The following SPEN variants were observed in gnomAD, a reference collection of about 807,000 sequenced individuals.
SPEN encodes the protein msx2-interacting protein.
SPEN carries 18 observed loss-of-function variants against 269.9 expected under a neutral mutation model. That is an observed-to-expected ratio of 0.07 (90% confidence interval 0.05 to 0.10). SPEN has a LOEUF of 0.10. SPEN is among the 10% of genes least tolerant of loss of function. The pLI, the probability that SPEN is intolerant of heterozygous loss-of-function variation, is 1.00. For missense variants in SPEN, 3,822 were observed against 4,631.2 expected, an observed-to-expected ratio of 0.83 and a Z score of 5.07; for synonymous variants, 1,726 against 1,765.7, an observed-to-expected ratio of 0.98 and a Z score of 0.56.
chr1:15,896,908 C>T (rs1439474059), intron 3 of SPEN, among the ~76,000 whole-genome samples: 1 of 152,102 alleles, frequency 6.6e-6, no homozygotes, highest in East Asian at 1.9e-4. Flanking sequence ...GTTGAGGCTG[C>T]AGTGAGCCAT....
rs987605187 is a variant in SPEN at position 15,934,622 on chromosome 1, C to T, written c.8382C>T (p.Asp2794=). 12 of 1,613,692 alleles carry T rather than the reference C, an allele frequency of 7.4e-6. No homozygotes were observed. Among genetic ancestry groups the T allele is most frequent in the Admixed American group, 1.7e-5 (1 of 60,004 alleles). ...ACCCAGGGTCCATGCCTGTGATCGA[C>T]GATCGTCCGGCAGACGCGGGCTCAG... is the stretch of plus-strand genomic sequence containing the variant. ...RFHPGSMPVI[D]DRPADAGSGA... is the part of the protein sequence containing the mutation. Residue 2794 remains aspartate, a synonymous_variant, in exon 11 of 15, where the codon GAC becomes GAT. Coordinates refer to ENST00000375759, the MANE Select transcript of SPEN (RefSeq NM_015001.3). This position sits in a 1 kb window ranked among gnomAD's most constrained non-coding sequence, Gnocchi z 9.2.
At chr1:15,926,099 T>A (rs2071163538) in intron 10 of SPEN, among the ~76,000 whole-genome samples, 1 of 152,134 alleles carries the variant, frequency 6.6e-6, no homozygotes, top group African/African-American at 2.4e-5. Context: ...AAGTTCAATA[T>A]AAGTACATAT....
At chr1:15,901,024 T>C (rs376711336) in intron 3 of SPEN, among the ~76,000 whole-genome samples, 2 of 152,126 alleles carry the variant, frequency 1.3e-5, no homozygotes, top group East Asian at 3.9e-4. Context: ...ACTCAGTTGA[T>C]TATTTCCTTG....
intron 1 of SPEN, among the ~76,000 whole-genome samples, chr1:15,864,893 G>C (rs1252564193): frequency 6.6e-6 from 1 of 151,686 alleles, no homozygotes; most frequent in East Asian, 1.9e-4. Context: ...GTGGGGAGGG[G>C]TCTTGCTTTG....
intron 3 of SPEN, among the ~76,000 whole-genome samples, chr1:15,891,352 A>ATT (rs34925405): frequency 2.0e-4 from 28 of 138,870 alleles, no homozygotes; most frequent in African/African-American, 2.4e-4. Flanking sequence ...ACTTAGCTAA[A>ATT]TTTTTTTTTT....
chr1:15,930,660 T>C lies in SPEN; in HGVS notation c.4420T>C (p.Phe1474Leu), dbSNP rs2071211847. The change falls in exon 11 of 15, where the codon TTT becomes CTT. Residue 1474 changes from phenylalanine to leucine, a missense_variant. Physicochemically the swap from Phe to Leu is conservative, Grantham distance 22. Around this residue, in one of 16 missense-constraint regions of SPEN, gnomAD observed 267 missense variants for 315.5 expected, o/e 0.85. Coordinates refer to ENST00000375759, the MANE Select transcript of SPEN (RefSeq NM_015001.3). This position sits in a 1 kb window ranked among gnomAD's most constrained non-coding sequence, Gnocchi z 5.3. ...FLDWDSRFAN[F>L]RNNKDKEKVD... is the part of the protein sequence containing the mutation. Reference sequence around the variant, plus strand: ...TGATTGGGACTCCCGATTTGCAAATTTTCGAAACAACAAAGATAAAGAAAA... The same window carrying C: ...TGATTGGGACTCCCGATTTGCAAATCTTCGAAACAACAAAGATAAAGAAAA... The C allele has an allele frequency of 6.2e-7, 1 of 1,613,934 alleles. No individual in the cohort carries two copies. Among genetic ancestry groups the C allele is most frequent in the African/African-American group, 1.3e-5 (1 of 74,884 alleles).
chr1:15,912,001 A>G (rs143283544), intron 5 of SPEN, among the ~76,000 whole-genome samples: 246 of 152,308 alleles, frequency 1.6e-3, no homozygotes, highest in South Asian at 0.01. Flanking sequence ...ATTACTTAAT[A>G]TTGATGTGGG....
intron 3 of SPEN, among the ~76,000 whole-genome samples, chr1:15,885,954 G>A (rs1397601466): frequency 6.6e-6 from 1 of 152,120 alleles, no homozygotes; most frequent in Non-Finnish European, 1.5e-5. Context: ...GTTTTAGGGG[G>A]TCATATTAGC....
intron 3 of SPEN, among the ~76,000 whole-genome samples, chr1:15,888,351 T>C (rs570617217): frequency 2.0e-5 from 3 of 151,576 alleles, no homozygotes; most frequent in African/African-American, 7.3e-5. Context: ...GAGGCAAGAG[T>C]CTTGCTCTGT....
At chr1:15,875,693 A>C (rs1291302902) in intron 2 of SPEN, among the ~76,000 whole-genome samples, 1 of 152,186 alleles carries the variant, frequency 6.6e-6, no homozygotes, top group Non-Finnish European at 1.5e-5. Flanking sequence ...AAACTTAGAA[A>C]ATTTTTTCTG....
At position 15,935,420 on chromosome 1, in the gene SPEN, A is replaced by G. The variant is rs777208894; in HGVS notation, c.9180A>G (p.Ala3060=). 4.3e-6 allele frequency: 7 copies of G among 1,614,084 alleles called. No individual in the cohort carries two copies. The highest frequency in any genetic ancestry group is 5.9e-6 in the Non-Finnish European group (7 of 1,180,002). The change falls in exon 11 of 15, where the codon GCA becomes GCG. Residue 3060 remains alanine (A), a synonymous_variant. Coordinates refer to ENST00000375759, the MANE Select transcript of SPEN (RefSeq NM_015001.3). This position sits in a 1 kb window ranked among gnomAD's most constrained non-coding sequence, Gnocchi z 7.7. ...LSTNATVMLA[A]GIPVPQFISS... ...CCAACGCCACAGTCATGCTGGCTGC[A>G]GGCATCCCAGTGCCCCAGTTCATCT...
chr1:15,897,093 T>C (rs1374332152), intron 3 of SPEN, among the ~76,000 whole-genome samples: 1 of 152,250 alleles, frequency 6.6e-6, no homozygotes, highest in East Asian at 1.9e-4. Flanking sequence ...ATCATTATCA[T>C]ATCAGCTCTT....
chr1:15,899,475 C>G (rs1436994342), intron 3 of SPEN, among the ~76,000 whole-genome samples: 1 of 149,388 alleles, frequency 6.7e-6, no homozygotes, highest in Non-Finnish European at 1.5e-5. Context: ...CCACTGCGCT[C>G]GGCAGTTTGT....
chr1:15,864,489 T>A (rs1431162137), intron 1 of SPEN, among the ~76,000 whole-genome samples: 153 of 150,608 alleles, frequency 1.0e-3, no homozygotes, highest in African/African-American at 2.8e-3. Flanking sequence ...TTTTTTTTTT[T>A]AATATTGTAA....
chr1:15,896,074 A>G (rs2070838866), intron 3 of SPEN, among the ~76,000 whole-genome samples: 1 of 151,892 alleles, frequency 6.6e-6, no homozygotes, highest in Admixed American at 6.6e-5. Context: ...AGGCACTTTT[A>G]TAAAATGCAG....
intron 1 of SPEN, among the ~76,000 whole-genome samples, chr1:15,850,623 C>G (rs1158298985): frequency 1.3e-5 from 2 of 152,114 alleles, no homozygotes; most frequent in African/African-American, 2.4e-5. Flanking sequence ...TCCTGCTGAT[C>G]CAGCTGTGGA....
chr1:15,908,225 ATTTG>A (rs2070978762), intron 3 of SPEN, among the ~76,000 whole-genome samples: 1 of 151,730 alleles, frequency 6.6e-6, no homozygotes, highest in African/African-American at 2.4e-5. Flanking sequence ...TTATTTATTT[ATTTG>A]TTTGTTTTGT....
chr1:15,933,317 C>T lies in SPEN; in HGVS notation c.7077C>T (p.Ser2359=), dbSNP rs767751045. Residue 2359 remains serine (S), a synonymous_variant, in exon 11 of 15, where the codon TCC becomes TCT. Transcript: ENST00000375759. This position sits in a 1 kb window ranked among gnomAD's most constrained non-coding sequence, Gnocchi z 5.7. Reference sequence around the variant, plus strand: ...CTGTAGAGAGCCATGTCCCTGAATCCAACCAAGCTCAAGGTGAGAGTCCTG... The same window carrying T: ...CTGTAGAGAGCCATGTCCCTGAATCTAACCAAGCTCAAGGTGAGAGTCCTG... ...VAPVESHVPE[S]NQAQGESPAA... The T allele has an allele frequency of 1.4e-5, 23 of 1,613,954 alleles. No individual in the cohort carries two copies. The highest frequency in any genetic ancestry group is 5.0e-5 in the Admixed American group (3 of 60,002).
chr1:15,879,271 G>A (rs2070664062), intron 3 of SPEN, among the ~76,000 whole-genome samples: 1 of 152,116 alleles, frequency 6.6e-6, no homozygotes, highest in Non-Finnish European at 1.5e-5. Flanking sequence ...AGCCCAGGAG[G>A]TGGAGGTTGC....
Sources: gnomAD v4.1 joint callset for allele counts (sites outside exome capture counted in the v4.1 genomes callset) on GRCh38, gnomAD v4.1.1 for gene constraint, gnomAD v4.1.1 regional missense constraint, Gnocchi (gnomAD v3.1) non-coding constraint, MANE v1.5 for transcripts, NCBI Gene and HGNC (gene_info 2026-07-23, HGNC 2026-07-21) for gene names.